The following SFI1 variants were observed in gnomAD, a reference collection of about 807,000 sequenced individuals.
The protein encoded by SFI1 is SFI1 centrin binding protein, also known as protein SFI1 homolog.
Under a neutral mutation model 207.5 loss-of-function variants are expected in SFI1, and 195 were observed. The ratio of observed to expected loss-of-function variants is 0.94; its 90% CI spans 0.84 to 1.06. SFI1 has a LOEUF of 1.06. SFI1 is among the 50% of genes least tolerant of loss of function. SFI1 has a pLI of 0.00. For synonymous variants in SFI1, 630 were observed against 598.9 expected (o/e 1.05, Z -0.76); for missense variants, 1,634 against 1,588.0 (o/e 1.03, Z -0.49).
At chr22:31,547,666 C>G (rs2060221130) in intron 5 of SFI1, among the ~76,000 whole-genome samples, 1 of 150,304 alleles carries the variant, frequency 6.7e-6, no homozygotes, top group Non-Finnish European at 1.5e-5. Flanking sequence ...GTTGCCCAGG[C>G]TGGAGTGCAA....
At chr22:31,565,231 G>A (rs1392482340) in intron 8 of SFI1, among the ~76,000 whole-genome samples, 1 of 151,906 alleles carries the variant, frequency 6.6e-6, no homozygotes, top group Non-Finnish European at 1.5e-5. Flanking sequence ...TTTGATTCTG[G>A]TATGATTGTT....
chr22:31,611,359 G>A (rs1056374114), intron 23 of SFI1, 56 bp downstream of exon 23: 3 of 1,523,194 alleles, frequency 2.0e-6, no homozygotes, highest in Non-Finnish European at 2.6e-6. Flanking sequence ...GGGGTGTCCA[G>A]GCCAGGAGAC....
intron 11 of SFI1, 76 bp from the exon 12 acceptor site, chr22:31,580,196 T>G: frequency 8.8e-7 from 1 of 1,132,352 alleles, no homozygotes; most frequent in Non-Finnish European, 1.3e-6. Flanking sequence ...AGGCACTGTT[T>G]GCCTTCCTCT....
intron 1 of SFI1, among the ~76,000 whole-genome samples, chr22:31,499,996 A>AC (rs1555923962): frequency 2.7e-5 from 4 of 150,610 alleles, no homozygotes; most frequent in Admixed American, 1.3e-4. Flanking sequence ...AAAAAAAAAA[A>AC]AAAAAAACAT....
chr22:31,615,194 A>C lies in SFI1; in HGVS notation c.3215A>C (p.Gln1072Pro), dbSNP rs1209459966. The change falls in exon 29 of 33, where the codon CAG becomes CCG. Residue 1072 changes from glutamine to proline, a missense_variant. Gln to Pro is a moderately conservative substitution (Grantham distance 76). Transcript: ENST00000400288. The stretch of plus-strand genomic sequence containing the variant: ...CTGTCAAGCGCCCCTGGCCCGAAGC[A>C]GCCCCCGACGGCAAGCACAGGCCCG... ...GALSSAPGPK[Q>P]PPTASTGPEL... 1 of 1,586,142 alleles carries C rather than the reference A, an allele frequency of 6.3e-7. No individual in the cohort carries two copies. Among genetic ancestry groups the C allele is most frequent in the Non-Finnish European group, 8.6e-7 (1 of 1,169,422 alleles).
chr22:31,521,888 C>CA (rs945623877), intron 2 of SFI1, among the ~76,000 whole-genome samples: 4 of 151,836 alleles, frequency 2.6e-5, no homozygotes, highest in African/African-American at 9.7e-5. Flanking sequence ...TTCAGCCTCC[C>CA]AAGTAGCTGG....
At chr22:31,575,530 C>A in intron 10 of SFI1, 138 bp downstream of exon 10, 1 of 891,528 alleles carries the variant, frequency 1.1e-6, no homozygotes, top group Admixed American at 3.7e-5. Context: ...TGTTGACAGT[C>A]TTAAAATTTT....
chr22:31,611,911 A>C (rs2070222089), intron 24 of SFI1, 71 bp downstream of exon 24: 2 of 1,591,966 alleles, frequency 1.3e-6, no homozygotes, highest in Non-Finnish European at 8.6e-7. Flanking sequence ...TGGGCAGTGA[A>C]TGACCTTCAG....
chr22:31,587,477 G>GTTTT, intron 14 of SFI1: 2 of 66,032 alleles, frequency 3.0e-5, no homozygotes, highest in South Asian at 2.1e-4. Context: ...TAATGTTTGT[G>GTTTT]TTTTGTTTTT....
chr22:31,561,116 C>G (rs1250299046), intron 7 of SFI1, among the ~76,000 whole-genome samples, 174 bp from the exon 8 acceptor site: 1 of 152,142 alleles, frequency 6.6e-6, no homozygotes, highest in African/African-American at 2.4e-5. Flanking sequence ...ATGGGCAGAT[C>G]TGGGACTTTT....
At chr22:31,567,683 G>C (rs906894812) in intron 8 of SFI1, among the ~76,000 whole-genome samples, 1 of 151,898 alleles carries the variant, frequency 6.6e-6, no homozygotes, top group African/African-American at 2.4e-5. Context: ...AAGGGTATAG[G>C]AATAAAGTAC....
chr22:31,564,571 C>A (rs1312000591), intron 8 of SFI1, among the ~76,000 whole-genome samples: 2 of 151,914 alleles, frequency 1.3e-5, no homozygotes, highest in African/African-American at 4.8e-5. Flanking sequence ...GTGGTACCAT[C>A]ATGGCTCACT....
intron 14 of SFI1, among the ~76,000 whole-genome samples, chr22:31,586,145 G>A (rs979640006): frequency 3.3e-5 from 5 of 152,084 alleles, no homozygotes; most frequent in African/African-American, 1.2e-4. Flanking sequence ...TAAGCTGCCA[G>A]TGGTTCCCTA....
At position 31,587,328 on chromosome 22, in the gene SFI1, G is replaced by A. The variant is rs1205831027; in HGVS notation, c.1414-2119G>A. 4 of 203,994 alleles carry A rather than the reference G, an allele frequency of 2.0e-5. No individual in the cohort carries two copies. The Admixed American group carries it at 2.2e-4, about 11-fold the overall frequency. The allele number at this position is 203,994 out of a possible 1,614,324, so 12.6% of individuals were successfully genotyped here. A position where few individuals can be genotyped will look rare whatever the true frequency, so the allele number is the denominator to read the frequency against. ...TTGTTTTGTTTTGTTTTTGAGACAGGTTTCACTTTGTCACCCAGGCTGGAG... is the reference window on the plus strand; with the variant it reads ...TTGTTTTGTTTTGTTTTTGAGACAGATTTCACTTTGTCACCCAGGCTGGAG... On this transcript the variant is annotated intron_variant, in intron 14 of 32. Coordinates refer to ENST00000400288, the MANE Select transcript of SFI1 (RefSeq NM_001007467.3).
At chr22:31,498,860 CTTTTTT>C (rs60377913) in intron 1 of SFI1, among the ~76,000 whole-genome samples, 2 of 134,834 alleles carry the variant, frequency 1.5e-5, no homozygotes, top group Non-Finnish European at 3.1e-5. Flanking sequence ...TTCTTTTTTT[CTTTTTT>C]TTTTTTTTTG....
intron 4 of SFI1, among the ~76,000 whole-genome samples, chr22:31,541,518 A>C (rs1338326372): frequency 6.6e-6 from 1 of 152,060 alleles, no homozygotes; most frequent in African/African-American, 2.4e-5. Flanking sequence ...GCACTTTGGG[A>C]GGCCGTGGAA....
In SFI1 at chr22:31,580,306, C is replaced by A. The variant is rs766192387; in HGVS notation, c.1190C>A (p.Thr397Asn). Residue 397 changes from threonine to asparagine, a missense_variant, in exon 12 of 33, where the codon ACC becomes AAC. Coordinates refer to ENST00000400288, the MANE Select transcript of SFI1 (RefSeq NM_001007467.3). ...TTTAGAGCCCTAAAAGACAATGTGACCCACGCTCATCTCCAGCAAATAAGA... is the reference window on the plus strand; with the variant it reads ...TTTAGAGCCCTAAAAGACAATGTGAACCACGCTCATCTCCAGCAAATAAGA... ...FCFRALKDNV[T>N]HAHLQQIRRN... 1.2e-6 allele frequency: 2 copies of A among 1,613,994 alleles called. No homozygotes were observed. The highest frequency in any genetic ancestry group is 1.3e-5 in the African/African-American group (1 of 75,018).
rs760573505 is a variant in SFI1, at chr22:31,602,688, C to T, written c.1708C>T (p.Gln570Ter). ...GCAGGCAGCAGCACGTCACCAGGAG[C>T]AGGAGTGGCAAACAGTGGCCTGTGC... ...HQQAAARHQE[Q>*]EWQTVACAHH... Residue 570 changes from glutamine to a stop codon, truncating the protein, a stop_gained, in exon 17 of 33, where the codon CAG becomes TAG. Transcript: ENST00000400288. LOFTEE classifies it high-confidence loss of function. The T allele has an allele frequency of 3.7e-6, 6 of 1,614,110 alleles. No homozygotes were observed. Among genetic ancestry groups the T allele is most frequent in the African/African-American group, 1.3e-5 (1 of 74,936 alleles).
At chr22:31,501,200 G>A (rs1419463752) in intron 1 of SFI1, among the ~76,000 whole-genome samples, 1 of 149,188 alleles carries the variant, frequency 6.7e-6, no homozygotes, top group African/African-American at 2.5e-5. Flanking sequence ...GAGACGGAGT[G>A]TAGCTCTGTT....
Sources: allele counts gnomAD v4.1 joint callset (sites outside exome capture counted in the v4.1 genomes callset), GRCh38; gene constraint gnomAD v4.1.1; transcripts MANE v1.5; gene names NCBI Gene and HGNC (gene_info 2026-07-23, HGNC 2026-07-21).